Variants in MRTFB observed in about 807,000 individuals in gnomAD.
The protein encoded by MRTFB is myocardin related transcription factor B, also known as myocardin-related transcription factor B.
A neutral mutation model predicts 104.2 loss-of-function variants in MRTFB; 29 were observed. The ratio of observed to expected loss-of-function variants is 0.28; its 90% confidence interval spans 0.21 to 0.38. MRTFB has a LOEUF of 0.38. Ranked by LOEUF, MRTFB falls within the 10% of genes least tolerant of loss-of-function variation. The pLI, the probability that MRTFB is intolerant of heterozygous loss-of-function variation, is 1.00. For missense variants in MRTFB, 1,270 were observed against 1,341.6 expected (o/e 0.95, Z 0.83); for synonymous variants, 535 against 519.5 (o/e 1.03, Z -0.41).
At chr16:14,235,165 T>C (rs1273249677) in intron 9 of MRTFB, among the ~76,000 whole-genome samples, 2 of 152,204 alleles carry the variant, frequency 1.3e-5, no homozygotes, top group Non-Finnish European at 2.9e-5. Flanking sequence ...ATCTTTCAGA[T>C]GAACACAATG....
At chr16:14,236,278 TG>T (rs1212995245) in intron 9 of MRTFB, among the ~76,000 whole-genome samples, 1 of 152,114 alleles carries the variant, frequency 6.6e-6, no homozygotes, top group Non-Finnish European at 1.5e-5. Context: ...AAGGAATAAG[TG>T]GGGGAAAGTG....
At chr16:14,060,227 G>A in the MRTFB span, among the ~76,000 whole-genome samples, 6 of 151,622 alleles carry the variant, frequency 4.0e-5, no homozygotes, top group African/African-American at 9.7e-5. Context: ...GGCTGGTCTC[G>A]AACTTCTGAC....
chr16:14,252,105 G>T, intron 14 of MRTFB, 82 bp downstream of exon 14: 1 of 1,454,252 alleles, frequency 6.9e-7, no homozygotes. Flanking sequence ...TGGGCTTGGA[G>T]TGACTAATGT....
At position 14,176,724 on chromosome 16, in the gene MRTFB, G is replaced by C. The variant is rs2039595235; in HGVS notation, c.155-33519G>C. Among the ~76,000 whole-genome samples the C allele has an allele frequency of 2.0e-5, 3 of 152,220 alleles. No individual in the cohort carries two copies. The South Asian group carries it at 6.2e-4, about 32-fold the overall frequency. On this transcript the variant is annotated intron_variant, in intron 3 of 16. Transcript: ENST00000571589. ...GCCTCACTGTAAAATGGAGATAGTA[G>C]TAGAGAGAGCTATTGAGTGGAATAA...
chr16:14,179,746 G>A (rs2039705421), intron 3 of MRTFB, among the ~76,000 whole-genome samples: 1 of 152,208 alleles, frequency 6.6e-6, no homozygotes, highest in Non-Finnish European at 1.5e-5. Flanking sequence ...CTAGTAGTCT[G>A]GGGAGTGGTC....
At chr16:14,042,512 G>A in the MRTFB span, among the ~76,000 whole-genome samples, 1 of 152,164 alleles carries the variant, frequency 6.6e-6, no homozygotes, top group Non-Finnish European at 1.5e-5. Flanking sequence ...GACATCTGTA[G>A]GCAATCTCAC....
chr16:14,046,585 C>A, the MRTFB span, among the ~76,000 whole-genome samples: 3 of 152,190 alleles, frequency 2.0e-5, no homozygotes, highest in East Asian at 5.8e-4. Flanking sequence ...CTTTATGCAC[C>A]CTACCCTTTT....
chr16:14,258,353 C>CT (rs2151469457), intron 16 of MRTFB, among the ~76,000 whole-genome samples, 192 bp downstream of exon 16: 1 of 152,292 alleles, frequency 6.6e-6, no homozygotes, highest in African/African-American at 2.4e-5. Context: ...TGGCTCACGT[C>CT]TATGATCCCA....
chr16:14,218,271 G>A (rs1012662895), intron 7 of MRTFB, among the ~76,000 whole-genome samples: 3 of 152,072 alleles, frequency 2.0e-5, no homozygotes, highest in Non-Finnish European at 4.4e-5. Context: ...GCGCTAGCCA[G>A]GATGGTCTCG....
At chr16:14,207,252 A>G (rs548878997) in intron 3 of MRTFB, among the ~76,000 whole-genome samples, 3 of 152,310 alleles carry the variant, frequency 2.0e-5, no homozygotes, top group Admixed American at 6.5e-5. Flanking sequence ...TTATTCTCCT[A>G]CCTTCAAGCA....
chr16:14,071,388 C>G lies in MRTFB; in HGVS notation c.-129+23C>G, dbSNP rs1275761931. On this transcript the variant is annotated intron_variant, in intron 1 of 16. Coordinates refer to ENST00000571589, the MANE Select transcript of MRTFB (RefSeq NM_001308142.2). Reference sequence around the variant, plus strand: ...GAGGTGAGCGGCGGGCGGTGGCGGCCGTTGGGGGCTGAGGCCGGGTGAGAG... The same window carrying G: ...GAGGTGAGCGGCGGGCGGTGGCGGCGGTTGGGGGCTGAGGCCGGGTGAGAG... The G allele has an allele frequency of 1.1e-4, 17 of 159,672 alleles. 1 individual carries two copies. In the South Asian group the frequency reaches 3.0e-3, roughly 28 times the overall value. The allele number at this position is 159,672 out of a possible 1,614,324, so 9.9% of individuals were successfully genotyped here.
In MRTFB at chr16:14,245,473, T is replaced by A. The variant is rs961012858; in HGVS notation, c.1080-55T>A. On this transcript the variant is annotated intron_variant, in intron 10 of 16. Transcript: ENST00000571589. ...TTAGTCAAATTGTTAATAGAAGCAA[T>A]GTCAAATCTAGAAATTATTTTATTA... The A allele has an allele frequency of 3.4e-6, 5 of 1,487,166 alleles. No homozygotes were observed. In the African/African-American group the frequency reaches 5.7e-5, roughly 17 times the overall value. The allele number at this position is 1,487,166 out of a possible 1,614,324, so 92.1% of individuals were successfully genotyped here.
chr16:14,150,433 T>A (rs2038556705), intron 3 of MRTFB, among the ~76,000 whole-genome samples: 1 of 152,248 alleles, frequency 6.6e-6, no homozygotes, highest in African/African-American at 2.4e-5. Flanking sequence ...GATAGCCTGC[T>A]GTTGACTGGC....
At chr16:14,073,130 A>AT (rs1337818591) in intron 1 of MRTFB, among the ~76,000 whole-genome samples, 1 of 152,188 alleles carries the variant, frequency 6.6e-6, no homozygotes, top group Non-Finnish European at 1.5e-5. Context: ...TTTCTCCTAC[A>AT]TTACTGGAGT....
In MRTFB at chr16:14,109,109, C is replaced by T. The variant is rs541367658; in HGVS notation, c.-64+29755C>T. ...CTGTCCAAAGGCTTAAATATAATTT[C>T]TTCATTGTTTCTTAGCAATTTCTAT... On this transcript the variant is annotated intron_variant, in intron 2 of 16. Transcript: ENST00000571589. Among the ~76,000 whole-genome samples the T allele has an allele frequency of 2.0e-5, 3 of 152,218 alleles. No individual in the cohort carries two copies. The South Asian group carries it at 6.2e-4, about 32-fold the overall frequency.
At chr16:14,179,129 T>C (rs1245133925) in intron 3 of MRTFB, among the ~76,000 whole-genome samples, 3 of 152,236 alleles carry the variant, frequency 2.0e-5, no homozygotes, top group African/African-American at 4.8e-5. Flanking sequence ...GTAGCACTTA[T>C]ATGACAAAAC....
At chr16:14,158,306 C>G (rs1168367933) in intron 3 of MRTFB, among the ~76,000 whole-genome samples, 1 of 152,204 alleles carries the variant, frequency 6.6e-6, no homozygotes, top group Non-Finnish European at 1.5e-5. Context: ...AGGCCTAGAA[C>G]CAATTGGTAA....
At chr16:14,201,130 G>C (rs1409702169) in intron 3 of MRTFB, among the ~76,000 whole-genome samples, 1 of 152,098 alleles carries the variant, frequency 6.6e-6, no homozygotes, top group African/African-American at 2.4e-5. Flanking sequence ...AATAGTTTTC[G>C]TATTAAGTTT....
chr16:14,200,283 T>C, intron 3 of MRTFB: 3 of 1,569,106 alleles, frequency 1.9e-6, no homozygotes, highest in Non-Finnish European at 2.6e-6. Context: ...AGAGCTAGAT[T>C]CTGAGTTCCG....
Sources: gnomAD v4.1 joint callset for allele counts (sites outside exome capture counted in the v4.1 genomes callset) on GRCh38, gnomAD v4.1.1 for gene constraint, MANE v1.5 for transcripts, NCBI Gene and HGNC (gene_info 2026-07-23, HGNC 2026-07-21) for gene names.